ITFG2: variants seen among roughly 807,000 people sequenced by gnomAD.
The protein encoded by ITFG2 is integrin alpha FG-GAP repeat containing 2.
Under a neutral mutation model 54.4 loss-of-function variants are expected in ITFG2, and 36 were observed. The observed-to-expected ratio is 0.66, with a 90% CI of 0.51 to 0.87. The LOEUF is 0.87. Among genes scored for constraint, ITFG2 ranks in the 40% least tolerant of loss-of-function variants. The pLI is 0.00. For missense variants in ITFG2, 524 were observed against 576.7 expected (o/e 0.91, Z 0.94); for synonymous variants, 211 against 225.4 (o/e 0.94, Z 0.57).
In ITFG2 at chr12:2,849,421, G is replaced by C; in HGVS notation, n.300+8426G>C. 2 of 1,536,214 alleles carry C rather than the reference G, an allele frequency of 1.3e-6. 1 individual carries two copies. The highest frequency in any genetic ancestry group is 2.4e-5 in the South Asian group (2 of 84,064). ...CACCTTCTCCTGGTAGTGAGGCAGA[G>C]GGTTTGGGCAGGGCCAGCTCCTGGC... On this transcript the variant is annotated intron_variant and non_coding_transcript_variant, in intron 2 of 3. Transcript: ENST00000537710.
At chr12:2,828,225 T>G (rs906911454), downstream of ITFG2, 2 of 1,203,872 alleles carry the variant, frequency 1.7e-6, no homozygotes, top group African/African-American at 3.0e-5. Context: ...ATAACAGCTT[T>G]ATTGAGATAA....
chr12:2,814,443 C>A (rs546460809), intron 1 of ITFG2, among the ~76,000 whole-genome samples: 9 of 151,926 alleles, frequency 5.9e-5, no homozygotes, highest in South Asian at 2.1e-4. Context: ...CATTTTTTTT[C>A]ACCTGAGTTG....
chr12:2,819,902 A>G (rs1603482933), intron 4 of ITFG2, 184 bp from the exon 5 acceptor site: 1 of 611,236 alleles, frequency 1.6e-6, no homozygotes, highest in Middle Eastern at 4.3e-4. Context: ...GCTGCGGAAC[A>G]GATGGACCAA....
Position 2,822,780 on chromosome 12 carries a change from CTG to C in ITFG2, c.949-12_949-11del, listed in dbSNP as rs1320638619. 6.2e-7 allele frequency: 1 copy of C among 1,607,386 alleles called. No homozygotes were observed. Among genetic ancestry groups the C allele is most frequent in the East Asian group, 2.2e-5 (1 of 44,868 alleles). On this transcript the variant is annotated splice_polypyrimidine_tract_variant and intron_variant, in intron 9 of 11. Coordinates refer to ENST00000228799, the MANE Select transcript of ITFG2 (RefSeq NM_018463.4). The stretch of plus-strand genomic sequence containing the variant: ...CAGCTCCTTTATGTTCCTTTTGTCT[CTG>C]TCCTTTTTCAGGGCAACGGGCATGA...
upstream of ITFG2, chr12:2,835,463 C>G (rs1034452426): frequency 6.4e-6 from 1 of 155,564 alleles, no homozygotes; most frequent in African/African-American, 2.4e-5. Context: ...AGCGTCCTTC[C>G]CTCCTCTCAT....
exon 2 of ITFG2, chr12:2,840,917 T>A (rs1025006161): frequency 7.9e-5 from 12 of 152,512 alleles, no homozygotes; most frequent in Non-Finnish European, 7.4e-5. Flanking sequence ...TTAGAAGCGA[T>A]GACATTTACA....
chr12:2,832,258 C>T (rs771173262), upstream of ITFG2, among the ~76,000 whole-genome samples: 6 of 152,064 alleles, frequency 3.9e-5, no homozygotes, highest in Non-Finnish European at 7.4e-5. Flanking sequence ...GACCCCCCAC[C>T]CTACCCCGCA....
intron 1 of ITFG2, among the ~76,000 whole-genome samples, chr12:2,837,815 C>T (rs2098032287): frequency 1.3e-5 from 2 of 152,080 alleles, no homozygotes; most frequent in Non-Finnish European, 2.9e-5. Context: ...GGTGACAGAG[C>T]GAGACACTGT....
At chr12:2,825,104 T>C, downstream of ITFG2, 1 of 152,212 alleles carries the variant, frequency 6.6e-6, no homozygotes. Flanking sequence ...GTAAGTATTG[T>C]TTTGTTAGTC....
chr12:2,836,866 G>C (rs1273120656), exon 1 of ITFG2: 3 of 152,284 alleles, frequency 2.0e-5, no homozygotes, highest in Non-Finnish European at 2.9e-5. Flanking sequence ...CAGAAGCCAG[G>C]GGAGAGGCGT....
chr12:2,821,666 C>T (rs2097945214), intron 8 of ITFG2, 26 bp from the exon 9 acceptor site: 1 of 1,613,582 alleles, frequency 6.2e-7, no homozygotes, highest in Non-Finnish European at 8.5e-7. Context: ...ATCCCACCCA[C>T]ACTCAGCCTG....
At chr12:2,815,337 A>C (rs540338149) in intron 1 of ITFG2, among the ~76,000 whole-genome samples, 1 of 152,320 alleles carries the variant, frequency 6.6e-6, no homozygotes, top group Admixed American at 6.5e-5. Context: ...GTTTGAAGCC[A>C]CTTGGTTAAC....
downstream of ITFG2, chr12:2,826,753 G>A (rs985417302): frequency 2.5e-5 from 5 of 201,518 alleles, no homozygotes; most frequent in Non-Finnish European, 3.0e-5. Flanking sequence ...AGGTTGGTGA[G>A]GCATGGCGGT....
At chr12:2,855,138 G>A (rs1210164798) in intron 2 of ITFG2, 1 of 1,531,510 alleles carries the variant, frequency 6.5e-7, no homozygotes. Context: ...TGTGGGCATT[G>A]GAGTCGGTCA....
At chr12:2,858,410 ACC>A (rs2098096153) in intron 3 of ITFG2, 11 of 516,990 alleles carry the variant, frequency 2.1e-5, no homozygotes, top group Non-Finnish European at 3.8e-5. Flanking sequence ...TGTTGTTCCC[ACC>A]CTTCAGCTCC....
At chr12:2,826,947 G>T, downstream of ITFG2, 1 of 1,298,584 alleles carries the variant, frequency 7.7e-7, no homozygotes, top group Non-Finnish European at 9.8e-7. Flanking sequence ...ATTTGGCTTT[G>T]CTTTTCTTGG....
intron 2 of ITFG2, among the ~76,000 whole-genome samples, chr12:2,851,268 GTGAA>G (rs1174734335): frequency 6.6e-6 from 1 of 152,130 alleles, no homozygotes; most frequent in African/African-American, 2.4e-5. Flanking sequence ...GAGTGAGTGA[GTGAA>G]TGTGAAGGCC....
At chr12:2,840,104 C>CA (rs59246625) in intron 1 of ITFG2, among the ~76,000 whole-genome samples, 2,587 of 104,706 alleles carry the variant, frequency 0.025, 67 homozygotes, top group African/African-American at 0.079. Flanking sequence ...TGAATCTAAC[C>CA]AAAAAAAAAA....
chr12:2,835,159 A>ATGTGTGTGTGTGTGTGTGTGTG (rs375198605), upstream of ITFG2: 177 of 1,127,444 alleles, frequency 1.6e-4, 9 homozygotes, highest in East Asian at 2.8e-3. Context: ...GATGGGGCGT[A>ATGTGTGTGTGTGTGTGTGTGTG]TGTGTGTGTG....
Sources: gnomAD v4.1 joint callset for allele counts (sites outside exome capture counted in the v4.1 genomes callset) on GRCh38, gnomAD v4.1.1 for gene constraint, MANE v1.5 for transcripts, NCBI Gene and HGNC (gene_info 2026-07-23, HGNC 2026-07-21) for gene names.